Variants in MACROD2 observed in about 807,000 individuals in gnomAD.
The protein encoded by MACROD2 is ADP-ribose glycohydrolase MACROD2.
Under a neutral mutation model 70.4 loss-of-function variants are expected in MACROD2, and 36 were observed. The ratio of observed to expected loss-of-function variants is 0.51; its 90% confidence interval spans 0.39 to 0.68. The LOEUF (loss-of-function observed/expected upper bound fraction) is 0.68. MACROD2 is among the 30% of genes least tolerant of loss of function. MACROD2 has a pLI of 0.00. For missense variants in MACROD2, 496 were observed against 538.4 expected (o/e 0.92, Z 0.78); for synonymous variants, 172 against 178.8 (o/e 0.96, Z 0.30).
intron 3 of MACROD2, among the ~76,000 whole-genome samples, chr20:14,378,616 T>C (rs1203316049): frequency 6.6e-6 from 1 of 152,180 alleles, no homozygotes; most frequent in Non-Finnish European, 1.5e-5. Flanking sequence ...CCTGCAGCAG[T>C]AGGTAATAAA....
chr20:14,016,053 C>G (rs1450470562), intron 2 of MACROD2, among the ~76,000 whole-genome samples: 2 of 152,180 alleles, frequency 1.3e-5, no homozygotes, highest in Non-Finnish European at 2.9e-5. Flanking sequence ...CAAAACTTTT[C>G]TGTAGTGGCT....
In MACROD2 at chr20:14,862,221, A is replaced by ATAAATATATATTTATATATT. The variant is rs1190558968; in HGVS notation, c.418+177262_418+177263insTAAATATATATTTATATATT. Among the ~76,000 whole-genome samples, 19 of 21,128 alleles carry ATAAATATATATTTATATATT rather than the reference A, an allele frequency of 9.0e-4. 3 individuals carry two copies. The highest frequency in any genetic ancestry group is 2.0e-3 in the South Asian group (1 of 504). The allele number at this position is 21,128 out of a possible 152,430, so 13.9% of individuals were successfully genotyped here. Reference sequence around the variant, plus strand: ...TAAATATATAAATATATATATATATAAATATATATAAATATATATTTATAT... The same window carrying ATAAATATATATTTATATATT: ...TAAATATATAAATATATATATATATATAAATATATATTTATATATTAATATATATAAATATATATTTATAT... On this transcript the variant is annotated intron_variant, in intron 5 of 17. Transcript: ENST00000684519.
At chr20:14,723,373 C>A (rs558902087) in intron 5 of MACROD2, among the ~76,000 whole-genome samples, 4 of 152,118 alleles carry the variant, frequency 2.6e-5, no homozygotes, top group Admixed American at 2.0e-4. Flanking sequence ...AAAACATTGA[C>A]TAACGTGTCT....
intron 5 of MACROD2, among the ~76,000 whole-genome samples, chr20:14,805,269 A>G (rs1349522119): frequency 6.6e-6 from 1 of 152,100 alleles, no homozygotes; most frequent in Non-Finnish European, 1.5e-5. Context: ...CAGTCCTGGC[A>G]TGTATGGGCC....
At chr20:14,699,775 G>C (rs1326959689) in intron 5 of MACROD2, among the ~76,000 whole-genome samples, 1 of 151,496 alleles carries the variant, frequency 6.6e-6, no homozygotes, top group African/African-American at 2.4e-5. Context: ...GAAGTTTAAA[G>C]TTTAAACTTT....
At chr20:15,222,617 T>C (rs1389032565) in intron 5 of MACROD2, among the ~76,000 whole-genome samples, 1 of 152,214 alleles carries the variant, frequency 6.6e-6, no homozygotes, top group Non-Finnish European at 1.5e-5. Context: ...AGGCACAGCA[T>C]TATTATGCAG....
intron 10 of MACROD2, among the ~76,000 whole-genome samples, chr20:15,915,359 A>G (rs971651783): frequency 6.6e-6 from 1 of 152,152 alleles, no homozygotes; most frequent in Non-Finnish European, 1.5e-5. Context: ...CTTATGAAAC[A>G]AAAGATGCTC....
chr20:15,401,077 G>C (rs1175384706), intron 6 of MACROD2, among the ~76,000 whole-genome samples: 1 of 150,554 alleles, frequency 6.6e-6, no homozygotes, highest in Non-Finnish European at 1.5e-5. Flanking sequence ...TTGCTCTGTC[G>C]CCCAGGCTGG....
intron 3 of MACROD2, among the ~76,000 whole-genome samples, chr20:14,389,564 T>C (rs994898805): frequency 1.3e-5 from 2 of 152,132 alleles, no homozygotes; most frequent in African/African-American, 4.8e-5. Context: ...GGCCACACTA[T>C]GTTTTAAGAA....
At chr20:15,818,975 A>G (rs574671114) in intron 8 of MACROD2, among the ~76,000 whole-genome samples, 2 of 152,136 alleles carry the variant, frequency 1.3e-5, no homozygotes, top group Admixed American at 6.6e-5. Flanking sequence ...TTATTACACA[A>G]CTAGTAATTG....
intron 9 of MACROD2, 111 bp from the exon 10 acceptor site, chr20:15,885,653 C>T: frequency 9.8e-7 from 1 of 1,018,584 alleles, no homozygotes. Flanking sequence ...AGTCTGTTTT[C>T]TACTGATCTG....
chr20:15,584,750 C>A (rs1001417599), intron 8 of MACROD2, among the ~76,000 whole-genome samples: 1 of 152,192 alleles, frequency 6.6e-6, no homozygotes, highest in Non-Finnish European at 1.5e-5. Context: ...ACAGCAGCTT[C>A]CCAGCAATGC....
chr20:15,054,848 A>C (rs890641459), intron 5 of MACROD2, among the ~76,000 whole-genome samples: 2 of 151,566 alleles, frequency 1.3e-5, no homozygotes, highest in African/African-American at 4.9e-5. Context: ...CAATGGCATG[A>C]TCTCCGCTCA....
intron 6 of MACROD2, among the ~76,000 whole-genome samples, chr20:15,324,538 C>G (rs2077907246): frequency 6.6e-6 from 1 of 152,172 alleles, no homozygotes; most frequent in South Asian, 2.1e-4. Context: ...GGCATAGACC[C>G]TGCAATTAAG....
intron 7 of MACROD2, among the ~76,000 whole-genome samples, chr20:15,485,791 C>A (rs1480279004): frequency 6.6e-6 from 1 of 152,104 alleles, no homozygotes; most frequent in Non-Finnish European, 1.5e-5. Flanking sequence ...GCATCACTTC[C>A]AATTACATTT....
At chr20:15,750,817 G>C (rs2051257497) in intron 8 of MACROD2, among the ~76,000 whole-genome samples, 1 of 151,936 alleles carries the variant, frequency 6.6e-6, no homozygotes. Flanking sequence ...CCTGTCATTT[G>C]GGACAACATG....
chr20:15,986,789 A>G lies in MACROD2; in HGVS notation c.1048A>G (p.Met350Val), dbSNP rs1411286414. Residue 350 changes from methionine to valine, a missense_variant, in exon 14 of 18, where the codon ATG (methionine) becomes GTG (valine). Transcript: ENST00000684519. ...KIETESQSSY[M>V]ETEELSSNQE... ...TGAAACAGAATCGCAGAGCTCATAT[A>G]TGGAAACAGAAGGTACTGAAACCAA... The G allele has an allele frequency of 1.2e-6, 2 of 1,612,790 alleles. No individual in the cohort carries two copies. The highest frequency in any genetic ancestry group is 1.7e-6 in the Non-Finnish European group (2 of 1,179,022).
chr20:14,468,438 CT>C (rs35239187), intron 3 of MACROD2, among the ~76,000 whole-genome samples: 19,707 of 109,882 alleles, frequency 0.18, 1,703 homozygotes, highest in Non-Finnish European at 0.25. Context: ...GCAACCCCTG[CT>C]TTTTTTTTTT....
At chr20:14,492,271 G>T (rs1265584473) in intron 3 of MACROD2, among the ~76,000 whole-genome samples, 1 of 152,186 alleles carries the variant, frequency 6.6e-6, no homozygotes, top group African/African-American at 2.4e-5. Flanking sequence ...GGCCATGTTT[G>T]TGACAACAGC....
Sources: gnomAD v4.1 joint callset for allele counts (sites outside exome capture counted in the v4.1 genomes callset) on GRCh38, gnomAD v4.1.1 for gene constraint, MANE v1.5 for transcripts, NCBI Gene and HGNC (gene_info 2026-07-23, HGNC 2026-07-21) for gene names.